DNAH11: variants seen among roughly 807,000 people sequenced by gnomAD.
DNAH11 encodes dynein axonemal heavy chain 11.
Under a neutral mutation model 526.0 loss-of-function variants are expected in DNAH11, and 442 were observed. That is an observed-to-expected ratio of 0.84 (90% CI 0.78 to 0.91). The LOEUF (loss-of-function observed/expected upper bound fraction) is 0.91. Among genes scored for constraint, DNAH11 ranks in the 40% least tolerant of loss-of-function variants. DNAH11 has a pLI of 0.00. For missense variants in DNAH11, 6,989 were observed against 5,448.7 expected (o/e 1.28, Z -8.90); for synonymous variants, 2,461 against 1,935.9 (o/e 1.27, Z -7.12).
intron 32 of DNAH11, among the ~76,000 whole-genome samples, chr7:21,685,024 A>C (rs1783312202): frequency 1.3e-5 from 2 of 152,208 alleles, no homozygotes; most frequent in African/African-American, 4.8e-5. Context: ...GGCTGGTAGG[A>C]TTCTCCCACT....
chr7:21,641,349 C>T (rs1237071089), intron 28 of DNAH11, among the ~76,000 whole-genome samples: 1 of 152,104 alleles, frequency 6.6e-6, no homozygotes, highest in Non-Finnish European at 1.5e-5. Flanking sequence ...CAGATGGCCT[C>T]CTTTGCCCTC....
chr7:21,820,493 C>T (rs1790007225), intron 65 of DNAH11, among the ~76,000 whole-genome samples: 1 of 152,164 alleles, frequency 6.6e-6, no homozygotes, highest in African/African-American at 2.4e-5. Context: ...AAAAGAGAAT[C>T]CTGGACAGAG....
intron 66 of DNAH11, among the ~76,000 whole-genome samples, chr7:21,847,860 C>G (rs1268285352): frequency 6.6e-6 from 1 of 152,108 alleles, no homozygotes; most frequent in Non-Finnish European, 1.5e-5. Flanking sequence ...TAGGTGCATA[C>G]ACATTAAAGA....
At chr7:21,553,431 G>T (rs1437035519) in intron 2 of DNAH11, among the ~76,000 whole-genome samples, 1 of 152,008 alleles carries the variant, frequency 6.6e-6, no homozygotes, top group Non-Finnish European at 1.5e-5. Flanking sequence ...AGAGAGTTCT[G>T]TACCCCTTGG....
Position 21,681,629 on chromosome 7 carries a change from C to G in DNAH11, c.5412C>G (p.Thr1804=). ...GACAGAAGATCATGACAATTTGTAC[C>G]ATAGATGTCCATGCCAGAGACGTGG... is the stretch of plus-strand genomic sequence containing the variant. ...GDRQKIMTIC[T]IDVHARDVVA... Residue 1804 remains threonine (T), a synonymous_variant, in exon 31 of 82, where the codon ACC becomes ACG. Coordinates refer to ENST00000409508, the MANE Select transcript of DNAH11 (RefSeq NM_001277115.2). 1 of 1,613,818 alleles carries G rather than the reference C, an allele frequency of 6.2e-7. No individual in the cohort carries two copies. The highest frequency in any genetic ancestry group is 8.5e-7 in the Non-Finnish European group (1 of 1,179,818).
intron 54 of DNAH11, among the ~76,000 whole-genome samples, chr7:21,752,406 A>C (rs1444610312): frequency 6.6e-6 from 1 of 152,236 alleles, no homozygotes; most frequent in Non-Finnish European, 1.5e-5. Context: ...GATGCTGAGC[A>C]ACAACTAAGG....
At chr7:21,548,230 C>T (rs140562988) in intron 2 of DNAH11, among the ~76,000 whole-genome samples, 27 of 152,130 alleles carry the variant, frequency 1.8e-4, no homozygotes, top group Admixed American at 5.2e-4. Flanking sequence ...ATAACACATA[C>T]ACCCCCTTTT....
chr7:21,589,161 T>C, intron 11 of DNAH11, 47 bp from the exon 12 acceptor site: 1 of 1,389,528 alleles, frequency 7.2e-7, no homozygotes, highest in East Asian at 2.4e-5. Context: ...TAAGCGGAAA[T>C]CTATCTAATA....
chr7:21,582,353 G>A (rs953687338), intron 9 of DNAH11, among the ~76,000 whole-genome samples: 4 of 152,076 alleles, frequency 2.6e-5, no homozygotes, highest in Non-Finnish European at 5.9e-5. Context: ...CTTAATTCAG[G>A]AATTTCTTTT....
chr7:21,640,610 C>T (rs1787084086), intron 28 of DNAH11, among the ~76,000 whole-genome samples: 1 of 152,040 alleles, frequency 6.6e-6, no homozygotes, highest in Admixed American at 6.6e-5. Context: ...ACAGTTTTAT[C>T]TTTCTGCAAT....
chr7:21,704,289 C>T (rs1784174711), intron 37 of DNAH11, 145 bp from the exon 38 acceptor site: 7 of 761,056 alleles, frequency 9.2e-6, no homozygotes. Flanking sequence ...TTTAACCTCC[C>T]TATTGATAGA....
At chr7:21,655,748 G>A in intron 28 of DNAH11, 84 bp from the exon 29 acceptor site, 2 of 1,357,606 alleles carry the variant, frequency 1.5e-6, no homozygotes, top group Non-Finnish European at 2.0e-6. Flanking sequence ...AACGTTTCAT[G>A]ACTTCATATG....
At chr7:21,876,971 C>G (rs899107816) in intron 74 of DNAH11, among the ~76,000 whole-genome samples, 4 of 152,242 alleles carry the variant, frequency 2.6e-5, no homozygotes, top group African/African-American at 9.6e-5. Flanking sequence ...TCAGCAGTCT[C>G]CATCACAGAT....
chr7:21,705,215 C>T (rs1339364187), intron 38 of DNAH11, among the ~76,000 whole-genome samples: 2 of 152,018 alleles, frequency 1.3e-5, no homozygotes, highest in East Asian at 3.9e-4. Flanking sequence ...GTAAGTAACC[C>T]CTGCCATATA....
At chr7:21,859,183 G>A (rs973909341) in intron 68 of DNAH11, among the ~76,000 whole-genome samples, 2 of 151,700 alleles carry the variant, frequency 1.3e-5, no homozygotes, top group Non-Finnish European at 2.9e-5. Flanking sequence ...GTGCAATCTC[G>A]GCTCACTGCA....
chr7:21,675,378 C>G (rs1329282328), intron 30 of DNAH11, among the ~76,000 whole-genome samples: 1 of 152,212 alleles, frequency 6.6e-6, no homozygotes, highest in East Asian at 1.9e-4. Context: ...TGCCTCCCTG[C>G]TGGCCAACCC....
chr7:21,843,322 C>G (rs553817284), intron 66 of DNAH11, among the ~76,000 whole-genome samples: 2 of 151,920 alleles, frequency 1.3e-5, no homozygotes, highest in African/African-American at 4.8e-5. Context: ...AATAAAAAAG[C>G]TAGTTCTTTG....
At chr7:21,749,067 CTG>C (rs1786286827) in intron 52 of DNAH11, among the ~76,000 whole-genome samples, 1 of 151,934 alleles carries the variant, frequency 6.6e-6, no homozygotes. Flanking sequence ...GTTAGTGTTC[CTG>C]TATGATAGGT....
chr7:21,804,637 A>G (rs1789171708), intron 62 of DNAH11, among the ~76,000 whole-genome samples: 1 of 152,112 alleles, frequency 6.6e-6, no homozygotes, highest in African/African-American at 2.4e-5. Flanking sequence ...CAAATCCATC[A>G]GATATTCTAT....
Sources: allele counts gnomAD v4.1 joint callset (sites outside exome capture counted in the v4.1 genomes callset), GRCh38; gene constraint gnomAD v4.1.1; transcripts MANE v1.5; gene names NCBI Gene and HGNC (gene_info 2026-07-23, HGNC 2026-07-21).